SKAP2: variants seen among roughly 807,000 people sequenced by gnomAD.
SKAP2 encodes the protein src kinase associated phosphoprotein 2, also known as src kinase-associated phosphoprotein 2.
Under a neutral mutation model 54.9 loss-of-function variants are expected in SKAP2, and 28 were observed. The observed-to-expected ratio is 0.51, with a 90% CI of 0.38 to 0.70. The LOEUF is 0.70. Among genes scored for constraint, SKAP2 ranks in the 30% least tolerant of loss-of-function variants. SKAP2 has a pLI of 0.00. For synonymous variants in SKAP2, 137 were observed against 134.3 expected (o/e 1.02, Z -0.14); for missense variants, 356 against 424.1 (o/e 0.84, Z 1.41).
At chr7:26,780,072 T>C (rs1467111123) in intron 4 of SKAP2, among the ~76,000 whole-genome samples, 1 of 152,042 alleles carries the variant, frequency 6.6e-6, no homozygotes, top group African/African-American at 2.4e-5. Context: ...AGAAAATCAC[T>C]GAGGTAAGTG....
At chr7:26,717,832 AAAAAAAAT>A (rs1390790392) in intron 9 of SKAP2, among the ~76,000 whole-genome samples, 1 of 150,982 alleles carries the variant, frequency 6.6e-6, no homozygotes, top group Non-Finnish European at 1.5e-5. Context: ...ACCCTGTCTC[AAAAAAAAT>A]AAAAAAATAA....
At chr7:26,681,575 C>T (rs1786499164) in intron 11 of SKAP2, among the ~76,000 whole-genome samples, 1 of 152,010 alleles carries the variant, frequency 6.6e-6, no homozygotes, top group Admixed American at 6.5e-5. Flanking sequence ...TTTTATGTTG[C>T]CTTTTTAAAG....
chr7:26,857,593 T>C (rs944201477), intron 1 of SKAP2: 5 of 985,122 alleles, frequency 5.1e-6, no homozygotes, highest in Admixed American at 6.2e-5. Flanking sequence ...CGCAAAGAAG[T>C]TGTAGGGCTG....
intron 4 of SKAP2, among the ~76,000 whole-genome samples, chr7:26,812,055 G>C (rs1299209411): frequency 9.9e-5 from 15 of 152,030 alleles, no homozygotes; most frequent in Non-Finnish European, 2.1e-4. Context: ...TTTCCTCCTA[G>C]GGCCCTGATT....
At chr7:26,696,028 G>T (rs1483561502) in intron 9 of SKAP2, among the ~76,000 whole-genome samples, 1 of 152,154 alleles carries the variant, frequency 6.6e-6, no homozygotes, top group Non-Finnish European at 1.5e-5. Flanking sequence ...GCTGGAAGAA[G>T]GGTTGGAAAA....
chr7:26,657,619 A>G, the SKAP2 span, among the ~76,000 whole-genome samples: 2 of 152,142 alleles, frequency 1.3e-5, no homozygotes, highest in African/African-American at 4.8e-5. Context: ...AGTCTCATAA[A>G]GCAGAGGATT....
intron 9 of SKAP2, among the ~76,000 whole-genome samples, chr7:26,719,450 G>A (rs1263085306): frequency 6.6e-6 from 1 of 152,088 alleles, no homozygotes; most frequent in Non-Finnish European, 1.5e-5. Flanking sequence ...TCAAATTCCA[G>A]ACAGCCCTGG....
chr7:26,807,930 A>C (rs1024440841), intron 4 of SKAP2, among the ~76,000 whole-genome samples: 1 of 152,246 alleles, frequency 6.6e-6, no homozygotes, highest in Admixed American at 6.5e-5. Context: ...TTTTTTAGAC[A>C]TAATACTAAT....
At chr7:26,699,910 C>T (rs766076055) in intron 9 of SKAP2, among the ~76,000 whole-genome samples, 1 of 152,130 alleles carries the variant, frequency 6.6e-6, no homozygotes, top group Non-Finnish European at 1.5e-5. Context: ...TCACATTAAA[C>T]TGTTGACTCA....
At chr7:26,711,285 T>C (rs1787297700) in intron 9 of SKAP2, among the ~76,000 whole-genome samples, 1 of 152,184 alleles carries the variant, frequency 6.6e-6, no homozygotes, top group South Asian at 2.1e-4. Flanking sequence ...TTTAATTGTT[T>C]TTTTTCTATA....
At chr7:26,763,935 C>A (rs770543488) in intron 4 of SKAP2, among the ~76,000 whole-genome samples, 5 of 152,084 alleles carry the variant, frequency 3.3e-5, no homozygotes, top group Non-Finnish European at 5.9e-5. Flanking sequence ...CTATTATAAA[C>A]TTATAAGACC....
chr7:26,736,590 T>C (rs1726493659), intron 6 of SKAP2, among the ~76,000 whole-genome samples: 2 of 152,252 alleles, frequency 1.3e-5, no homozygotes, highest in South Asian at 4.1e-4. Context: ...GTAGTGATTC[T>C]TTTGTTTCTT....
chr7:26,769,696 C>G (rs1445564746), intron 4 of SKAP2, among the ~76,000 whole-genome samples: 1 of 152,120 alleles, frequency 6.6e-6, no homozygotes, highest in African/African-American at 2.4e-5. Context: ...GTTAGTTTTC[C>G]TTCTAATAGG....
intron 4 of SKAP2, 144 bp downstream of exon 4, chr7:26,843,886 G>C (rs1784866371): frequency 3.7e-6 from 2 of 534,294 alleles, no homozygotes; most frequent in Non-Finnish European, 6.7e-6. Context: ...CCACTAGAGA[G>C]AGCTCTTCTG....
rs1002029848 is a variant in SKAP2, at chr7:26,677,396, A to T, written c.988-7204T>A. Among the ~76,000 whole-genome samples the T allele has an allele frequency of 7.0e-5, 9 of 128,910 alleles. No individual in the cohort carries two copies. The East Asian group carries it at 1.9e-3, about 27-fold the overall frequency. 84.6% of individuals were successfully genotyped at this position (128,910 alleles called of 152,430 possible). A position where few individuals can be genotyped will look rare whatever the true frequency, so the allele number is the denominator to read the frequency against. On this transcript the variant is annotated intron_variant, in intron 11 of 12. Transcript: ENST00000345317. ...GACAGAGCAAGACTCTGTCTCAATA[A>T]AAAAAAAAAAAAAAAAAAAGAAGTG...
At chr7:26,822,088 T>A (rs1784393690) in intron 4 of SKAP2, among the ~76,000 whole-genome samples, 1 of 152,224 alleles carries the variant, frequency 6.6e-6, no homozygotes, top group African/African-American at 2.4e-5. Flanking sequence ...CATTATCACC[T>A]CTGTTAAGTA....
chr7:26,820,250 C>T (rs1784361503), intron 4 of SKAP2, among the ~76,000 whole-genome samples: 1 of 152,168 alleles, frequency 6.6e-6, no homozygotes, highest in African/African-American at 2.4e-5. Flanking sequence ...TGTCACAAAA[C>T]ATAATCCTTC....
intron 11 of SKAP2, among the ~76,000 whole-genome samples, chr7:26,675,977 GAAGTT>G (rs1466490326): frequency 3.9e-5 from 6 of 152,238 alleles, no homozygotes; most frequent in South Asian, 2.1e-4. Context: ...AGCACTGAAA[GAAGTT>G]AAGACAGAAT....
chr7:26,769,710 C>T (rs1044692279), intron 4 of SKAP2, among the ~76,000 whole-genome samples: 1 of 152,176 alleles, frequency 6.6e-6, no homozygotes, highest in African/African-American at 2.4e-5. Flanking sequence ...TAATAGGCCT[C>T]TCTTCTGCAG....
Sources: gnomAD v4.1 joint callset for allele counts (sites outside exome capture counted in the v4.1 genomes callset) on GRCh38, gnomAD v4.1.1 for gene constraint, MANE v1.5 for transcripts, NCBI Gene and HGNC (gene_info 2026-07-23, HGNC 2026-07-21) for gene names.